Variants in TARS2 observed in about 807,000 individuals in gnomAD.
The protein encoded by TARS2 is threonyl-tRNA synthetase 2, mitochondrial.
TARS2 carries 61 observed loss-of-function variants against 94.4 expected under a neutral mutation model. The observed-to-expected ratio is 0.65, with a 90% CI of 0.53 to 0.80. The LOEUF (loss-of-function observed/expected upper bound fraction) is 0.80, where lower values mean the gene tolerates loss of function less well. Ranked by LOEUF, TARS2 falls within the 30% of genes least tolerant of loss-of-function variation. TARS2 has a pLI of 0.00. For synonymous variants in TARS2, 359 were observed against 353.4 expected (o/e 1.02, Z -0.18); for missense variants, 704 against 902.5 (o/e 0.78, Z 2.82).
At chr1:150,496,021 A>G (rs999305231) in intron 7 of TARS2, among the ~76,000 whole-genome samples, 5 of 152,256 alleles carry the variant, frequency 3.3e-5, no homozygotes, top group African/African-American at 1.2e-4. Flanking sequence ...CGCCCGGCTC[A>G]TTAGTACTGT....
Position 150,497,622 on chromosome 1 carries a change from T to C in TARS2, c.1113T>C (p.Tyr371=), listed in dbSNP as rs1669722508. 2 of 1,614,152 alleles carry C rather than the reference T, an allele frequency of 1.2e-6. No individual in the cohort carries two copies. The highest frequency in any genetic ancestry group is 2.2e-5 in the East Asian group (1 of 44,882). The change falls in exon 10 of 18, where the codon TAT becomes TAC. Residue 371 remains tyrosine, a synonymous_variant. Coordinates refer to ENST00000369064, the MANE Select transcript of TARS2 (RefSeq NM_025150.5). ...LWEQSGHWEH[Y]QEDMFAVQPP... is the part of the protein sequence containing the mutation. ...AACAGTCAGGGCACTGGGAGCATTA[T>C]CAGGAAGACATGTTTGCCGTGCAGC... is the stretch of plus-strand genomic sequence containing the variant.
intron 7 of TARS2, among the ~76,000 whole-genome samples, chr1:150,494,917 C>A (rs55996928): frequency 0.31 from 47,105 of 151,742 alleles, 8,359 homozygotes; most frequent in Non-Finnish European, 0.4. Context: ...CGCAGTGGCT[C>A]ACGCCTGTAA....
chr1:150,491,961 GTTTTTTTTTTTT>G (rs367685337), intron 6 of TARS2: 3 of 128,748 alleles, frequency 2.3e-5, no homozygotes, highest in Non-Finnish European at 4.2e-5. Flanking sequence ...TGCCTGGCTA[GTTTTTTTTTTTT>G]TTTTTTTTTT....
chr1:150,499,179 AGAT>A, intron 12 of TARS2, 34 bp from the exon 13 acceptor site: 1 of 1,613,012 alleles, frequency 6.2e-7, no homozygotes, highest in South Asian at 1.1e-5. Context: ...TTGAAGTCTA[AGAT>A]GATGTATTCC....
chr1:150,502,771 A>G (rs1167901080), intron 13 of TARS2, among the ~76,000 whole-genome samples: 1 of 152,120 alleles, frequency 6.6e-6, no homozygotes, highest in African/African-American at 2.4e-5. Context: ...TCTCATTTTT[A>G]TGTCCCAAGT....
intron 3 of TARS2, 35 bp downstream of exon 3, chr1:150,489,122 C>CGG (rs1485167950): frequency 4.3e-6 from 7 of 1,613,566 alleles, no homozygotes; most frequent in Non-Finnish European, 5.1e-6. Context: ...ACAGTGACTA[C>CGG]TAAACCAAGA....
intron 13 of TARS2, among the ~76,000 whole-genome samples, chr1:150,499,783 C>T (rs962101320): frequency 1.6e-4 from 24 of 152,112 alleles, no homozygotes; most frequent in African/African-American, 1.4e-4. Context: ...ATCAGTGCTG[C>T]GAGATCTGTG....
At chr1:150,495,865 A>G (rs993063687) in intron 7 of TARS2, among the ~76,000 whole-genome samples, 2 of 151,978 alleles carry the variant, frequency 1.3e-5, no homozygotes, top group African/African-American at 4.8e-5. Flanking sequence ...GACTACAGGC[A>G]CCCACCACCA....
Position 150,507,306 on chromosome 1 carries a change from A to G in TARS2, c.*242A>G, listed in dbSNP as rs960127642. On this transcript the variant is annotated 3_prime_UTR_variant, in exon 18 of 18. Transcript: ENST00000369064. ...TAAATTGGGCCAGGCGCAGTGGCTC[A>G]TGCCTGTAATCCCAGCACTCTGGGA... 8.9e-6 allele frequency: 4 copies of G among 449,760 alleles called. No homozygotes were observed. Among genetic ancestry groups the G allele is most frequent in the Non-Finnish European group, 3.9e-6 (1 of 254,824 alleles). 27.9% of individuals were successfully genotyped at this position (449,760 alleles called of 1,614,324 possible).
chr1:150,501,958 G>A (rs1669941588), intron 13 of TARS2, among the ~76,000 whole-genome samples: 1 of 151,934 alleles, frequency 6.6e-6, no homozygotes, highest in African/African-American at 2.4e-5. Flanking sequence ...TGTCGCCCAG[G>A]TTGGAGTGCA....
At position 150,491,501 on chromosome 1, in the gene TARS2, A is replaced by G. The variant is rs990896893; in HGVS notation, c.620A>G (p.Gln207Arg). The G allele has an allele frequency of 1.2e-6, 2 of 1,614,204 alleles. No homozygotes were observed. Among genetic ancestry groups the G allele is most frequent in the African/African-American group, 2.7e-5 (2 of 75,060 alleles). Reference sequence around the variant, plus strand: ...GAGGCTTCACGGGATCAGCTTCGCCAGTTGTTCAAGGTGGGGTGGAGGGAA... The same window carrying G: ...GAGGCTTCACGGGATCAGCTTCGCCGGTTGTTCAAGGTGGGGTGGAGGGAA... Reference protein sequence around the residue: ...RLEASRDQLRQLFKDNPFKLH... With the variant: ...RLEASRDQLRRLFKDNPFKLH... The change falls in exon 5 of 18, where the codon CAG becomes CGG. Residue 207 changes from glutamine to arginine, a missense_variant. Physicochemically the swap from Gln to Arg is conservative, Grantham distance 43. Around this residue, in one of 3 missense-constraint regions of TARS2, gnomAD observed 30 missense variants for 64.5 expected, o/e 0.47. Coordinates refer to ENST00000369064, the MANE Select transcript of TARS2 (RefSeq NM_025150.5).
chr1:150,495,672 G>T (rs1669630873), intron 7 of TARS2, among the ~76,000 whole-genome samples: 1 of 151,420 alleles, frequency 6.6e-6, no homozygotes, highest in Admixed American at 6.6e-5. Flanking sequence ...GGGATTACAG[G>T]TGTGAGCCAC....
In TARS2 at chr1:150,487,513, C is replaced by G. The variant is rs1418009789; in HGVS notation, c.63C>G (p.His21Gln). The stretch of plus-strand genomic sequence containing the variant: ...AAGGTTTACAGGCTTGCAGGCTACA[C>G]ACGGTGCGTGAGGCACCCCCAAAGC... ...RLQGLQACRL[H>Q]TAVVSTPPRW... is the part of the protein sequence containing the mutation. Residue 21 changes from histidine (H) to glutamine (Q), a missense_variant, in exon 1 of 18, where the codon CAC becomes CAG. Physicochemically the swap from His to Gln is conservative, Grantham distance 24 (BLOSUM62 0). Transcript: ENST00000369064. The G allele has an allele frequency of 1.2e-6, 2 of 1,614,230 alleles. No homozygotes were observed. Among genetic ancestry groups the G allele is most frequent in the Non-Finnish European group, 1.7e-6 (2 of 1,180,042 alleles).
chr1:150,496,856 T>G lies in TARS2; in HGVS notation c.968T>G (p.Phe323Cys), dbSNP rs760208518. 3.4e-5 allele frequency: 55 copies of G among 1,613,998 alleles called. No individual in the cohort carries two copies. The highest frequency in any genetic ancestry group is 4.3e-5 in the Non-Finnish European group (51 of 1,180,026). Residue 323 changes from phenylalanine to cysteine, a missense_variant, in exon 9 of 18, where the codon TTC (phenylalanine) becomes TGC (cysteine). Physicochemically the swap from Phe to Cys is radical, Grantham distance 205. Coordinates refer to ENST00000369064, the MANE Select transcript of TARS2 (RefSeq NM_025150.5). ...FFHELSPGSC[F>C]FLPRGTRVYN... Reference sequence around the variant, plus strand: ...CATGAACTGAGCCCTGGGAGCTGCTTCTTCCTGCCACGAGGGACAAGGGTG... The same window carrying G: ...CATGAACTGAGCCCTGGGAGCTGCTGCTTCCTGCCACGAGGGACAAGGGTG...
Position 150,507,566 on chromosome 1 carries a change from CTAAA to C in TARS2, c.*525_*528del, listed in dbSNP as rs71086517. ...TAGGCGACAGAGCGAGACTCTGTCT[CTAAA>C]TAAATAAATAAATAAATAAATACAA... On this transcript the variant is annotated 3_prime_UTR_variant, in exon 18 of 18. Coordinates refer to ENST00000369064, the MANE Select transcript of TARS2 (RefSeq NM_025150.5). 3,017 of 153,488 alleles carry C rather than the reference CTAAA, an allele frequency of 0.02. 132 individuals are homozygous for C. Among genetic ancestry groups the C allele is most frequent in the African/African-American group, 0.07 (2,883 of 41,116 alleles). The allele number at this position is 153,488 out of a possible 1,614,324, so 9.5% of individuals were successfully genotyped here.
intron 17 of TARS2, among the ~76,000 whole-genome samples, chr1:150,506,485 C>T (rs1009734059): frequency 4.9e-5 from 1 of 20,260 alleles, no homozygotes; most frequent in African/African-American, 1.2e-4. Context: ...GACACGCGCG[C>T]GCACACACAC....
In TARS2 at chr1:150,499,063, G is replaced by T. The variant is rs905671785; in HGVS notation, c.1539+29G>T. ...AGTAGGAGGTAGAGAAATAGAGGCA[G>T]ATAAACCACTCTCTGGTGGGAAGGA... On this transcript the variant is annotated intron_variant, in intron 12 of 17. Transcript: ENST00000369064. The T allele has an allele frequency of 3.7e-6, 6 of 1,614,056 alleles. No individual in the cohort carries two copies. In the African/African-American group the frequency reaches 5.3e-5, roughly 14 times the overall value.
Position 150,504,343 on chromosome 1 carries a change from G to T in TARS2, c.1626G>T (p.Val542=). The T allele has an allele frequency of 6.2e-7, 1 of 1,614,048 alleles. No homozygotes were observed. The highest frequency in any genetic ancestry group is 8.5e-7 in the Non-Finnish European group (1 of 1,180,014). ...CCATCTGTTTCCTGTAGATTGACGT[G>T]CACCTCCACGATGCCCTGGGCCGGC... ...DGAFYGPKID[V]HLHDALGRPH... is the part of the protein sequence containing the mutation. The change falls in exon 14 of 18, where the codon GTG becomes GTT. Residue 542 remains valine (V), a synonymous_variant. Transcript: ENST00000369064.
chr1:150,491,351 T>C, intron 4 of TARS2, 43 bp from the exon 5 acceptor site: 2 of 1,597,402 alleles, frequency 1.3e-6, no homozygotes, highest in Non-Finnish European at 1.7e-6. Flanking sequence ...AGGTGATTGA[T>C]GCACCTCATA....
Sources: allele counts gnomAD v4.1 joint callset (sites outside exome capture counted in the v4.1 genomes callset), GRCh38; gene constraint gnomAD v4.1.1; regional missense constraint gnomAD v4.1.1; transcripts MANE v1.5; gene names NCBI Gene and HGNC (gene_info 2026-07-23, HGNC 2026-07-21).